Variants in RBMS1 observed in about 807,000 individuals in gnomAD.
RBMS1 encodes RNA binding motif single stranded interacting protein 1, also known as RNA-binding motif, single-stranded-interacting protein 1.
In RBMS1, 17 loss-of-function variants were observed where a neutral mutation model predicts 62.3. The ratio of observed to expected loss-of-function variants is 0.27; its 90% CI spans 0.19 to 0.41. The LOEUF (loss-of-function observed/expected upper bound fraction) is 0.41. Among genes scored for constraint, RBMS1 ranks in the 10% least tolerant of loss-of-function variants. The probability of loss-of-function intolerance (pLI) is 1.00; values close to 1 mark genes in which losing one functional copy is unlikely to be tolerated. For missense variants in RBMS1, 334 were observed against 504.5 expected (o/e 0.66, Z 3.24); for synonymous variants, 172 against 170.0 (o/e 1.01, Z -0.09).
intron 1 of RBMS1, among the ~76,000 whole-genome samples, chr2:160,436,341 G>A (rs891727738): frequency 1.3e-5 from 2 of 152,140 alleles, no homozygotes; most frequent in Admixed American, 6.5e-5. Flanking sequence ...CAAGCTCCCC[G>A]TGTAGAGAGA....
intron 2 of RBMS1, among the ~76,000 whole-genome samples, chr2:160,365,458 A>C (rs1050740201): frequency 6.6e-6 from 1 of 152,236 alleles, no homozygotes; most frequent in Non-Finnish European, 1.5e-5. Context: ...GAACAACAAA[A>C]AAGAAATGAA....
intron 4 of RBMS1, among the ~76,000 whole-genome samples, chr2:160,306,676 CAA>C (rs1689544981): frequency 6.7e-6 from 1 of 149,794 alleles, no homozygotes; most frequent in African/African-American, 2.4e-5. Context: ...CACAAAATAA[CAA>C]AGTGTCCATG....
At chr2:160,311,195 C>CA (rs1343318731) in intron 4 of RBMS1, among the ~76,000 whole-genome samples, 6,159 of 41,978 alleles carry the variant, frequency 0.15, 239 homozygotes, top group Middle Eastern at 0.31. Context: ...ACCCTGTCTC[C>CA]AAAAAAAAAA....
At chr2:160,291,863 A>G (rs1275319539) in intron 6 of RBMS1, among the ~76,000 whole-genome samples, 1 of 152,246 alleles carries the variant, frequency 6.6e-6, no homozygotes, top group Non-Finnish European at 1.5e-5. Flanking sequence ...CATGTTAAAT[A>G]CAAAACAAAA....
At chr2:160,484,219 G>T (rs1163779506) in intron 1 of RBMS1, among the ~76,000 whole-genome samples, 3 of 152,026 alleles carry the variant, frequency 2.0e-5, no homozygotes, top group Admixed American at 1.3e-4. Flanking sequence ...GCCATAGGCC[G>T]GCGCGGTGGC....
chr2:160,443,570 T>A (rs2105307021), intron 1 of RBMS1, among the ~76,000 whole-genome samples: 1 of 150,982 alleles, frequency 6.6e-6, no homozygotes, highest in Non-Finnish European at 1.5e-5. Flanking sequence ...CCACCCCCAC[T>A]CTCTCTCTGG....
chr2:160,323,169 AT>A (rs200830921), intron 2 of RBMS1, among the ~76,000 whole-genome samples: 49,393 of 147,664 alleles, frequency 0.33, 8,213 homozygotes, highest in East Asian at 0.53. Context: ...CTGTAGCTTA[AT>A]TTTTTTTTTT....
At chr2:160,298,720 G>T (rs1293278156) in intron 6 of RBMS1, among the ~76,000 whole-genome samples, 2 of 152,136 alleles carry the variant, frequency 1.3e-5, no homozygotes, top group Admixed American at 6.5e-5. Context: ...AGAGTTACAG[G>T]TTGAACTGTG....
At chr2:160,424,058 G>A (rs112621583) in intron 1 of RBMS1, among the ~76,000 whole-genome samples, 194 of 147,680 alleles carry the variant, frequency 1.3e-3, no homozygotes, top group African/African-American at 1.7e-3. Context: ...TCACTCTGTC[G>A]CCCAGGCTGG....
chr2:160,485,732 G>T (rs1685573235), intron 1 of RBMS1, among the ~76,000 whole-genome samples: 1 of 151,452 alleles, frequency 6.6e-6, no homozygotes, highest in Admixed American at 6.6e-5. Flanking sequence ...TGTGTTTATT[G>T]TTTTTTAAAT....
chr2:160,335,110 CAG>C (rs760110285), intron 2 of RBMS1, among the ~76,000 whole-genome samples: 2 of 151,962 alleles, frequency 1.3e-5, no homozygotes, highest in Admixed American at 6.6e-5. Flanking sequence ...ACAAGCTCAA[CAG>C]AGAGAGAGAA....
At chr2:160,464,538 CT>C (rs1423039198) in intron 1 of RBMS1, among the ~76,000 whole-genome samples, 1 of 152,024 alleles carries the variant, frequency 6.6e-6, no homozygotes, top group Non-Finnish European at 1.5e-5. Context: ...GCAATATTTT[CT>C]TTTATTAAAA....
At chr2:160,295,188 T>C (rs1467907171) in intron 6 of RBMS1, among the ~76,000 whole-genome samples, 1 of 152,210 alleles carries the variant, frequency 6.6e-6, no homozygotes, top group African/African-American at 2.4e-5. Flanking sequence ...TAAAGGCAAT[T>C]TAACCTCCTG....
At chr2:160,288,978 G>C (rs62175443) in intron 6 of RBMS1, among the ~76,000 whole-genome samples, 3 of 152,146 alleles carry the variant, frequency 2.0e-5, no homozygotes, top group Admixed American at 1.3e-4. Context: ...ACAGGCAGGT[G>C]TGAATAAAAG....
chr2:160,416,589 C>T (rs1390738184), intron 1 of RBMS1, among the ~76,000 whole-genome samples: 3 of 152,104 alleles, frequency 2.0e-5, no homozygotes, highest in East Asian at 3.8e-4. Context: ...TTACCACCTG[C>T]CCCTGCCCCG....
chr2:160,394,570 G>T (rs1033353174), intron 1 of RBMS1, among the ~76,000 whole-genome samples: 1 of 152,092 alleles, frequency 6.6e-6, no homozygotes, highest in East Asian at 1.9e-4. Context: ...CAATAAAACA[G>T]GTGGAAAAAC....
chr2:160,352,510 T>C (rs1043470972), intron 2 of RBMS1, among the ~76,000 whole-genome samples: 10 of 152,126 alleles, frequency 6.6e-5, no homozygotes, highest in Admixed American at 1.3e-4. Flanking sequence ...GGCAAATATA[T>C]AGCACAACAA....
At chr2:160,468,551 ATC>A in intron 1 of RBMS1, among the ~76,000 whole-genome samples, 1 of 152,192 alleles carries the variant, frequency 6.6e-6, no homozygotes, top group African/African-American at 2.4e-5. Context: ...AAAACATACA[ATC>A]TATTTTCTGA....
chr2:160,482,811 G>C (rs1685423656), intron 1 of RBMS1, among the ~76,000 whole-genome samples: 1 of 152,178 alleles, frequency 6.6e-6, no homozygotes, highest in South Asian at 2.1e-4. Flanking sequence ...AACAAAGAAA[G>C]GTGCTGTTGT....
Sources: allele counts gnomAD v4.1 joint callset (sites outside exome capture counted in the v4.1 genomes callset), GRCh38; gene constraint gnomAD v4.1.1; transcripts MANE v1.5; gene names NCBI Gene and HGNC (gene_info 2026-07-23, HGNC 2026-07-21).